Variants in IGF2BP2 observed in about 807,000 individuals in gnomAD.
The protein encoded by IGF2BP2 is insulin like growth factor 2 mRNA binding protein 2.
Under a neutral mutation model 75.8 loss-of-function variants are expected in IGF2BP2, and 17 were observed. The observed-to-expected ratio is 0.22, with a 90% CI of 0.15 to 0.34. The LOEUF is 0.34. IGF2BP2 is among the 10% of genes least tolerant of loss of function. The probability of loss-of-function intolerance (pLI) is 1.00; values close to 1 mark genes in which losing one functional copy is unlikely to be tolerated. For missense variants in IGF2BP2, 516 were observed against 772.4 expected, an observed-to-expected ratio of 0.67 and a Z score of 3.93; for synonymous variants, 288 against 295.6, an observed-to-expected ratio of 0.97 and a Z score of 0.26.
At chr3:185,801,871 A>T (rs1386534646) in intron 2 of IGF2BP2, among the ~76,000 whole-genome samples, 3 of 152,108 alleles carry the variant, frequency 2.0e-5, no homozygotes, top group Non-Finnish European at 2.9e-5. Flanking sequence ...TTGCAGGGAC[A>T]TGGATGAAGC....
intron 2 of IGF2BP2, among the ~76,000 whole-genome samples, chr3:185,725,293 G>A (rs1262045876): frequency 2.6e-5 from 4 of 152,178 alleles, no homozygotes; most frequent in African/African-American, 9.7e-5. Flanking sequence ...GCAACAGATG[G>A]CCATGGAAAG....
intron 8 of IGF2BP2, 95 bp from the exon 9 acceptor site, chr3:185,675,526 A>C: frequency 7.0e-7 from 1 of 1,425,578 alleles, no homozygotes; most frequent in Non-Finnish European, 9.6e-7. Flanking sequence ...TGGCGGAGAG[A>C]GAGAAGACTC....
At position 185,762,532 on chromosome 3, in the gene IGF2BP2, C is replaced by CAA. The variant is rs550663727; in HGVS notation, c.239+60619_239+60620dup. Among the ~76,000 whole-genome samples the CAA allele has an allele frequency of 2.9e-3, 267 of 90,946 alleles. 1 individual carries two copies. The East Asian group carries it at 0.036, about 12-fold the overall frequency. The allele number at this position is 90,946 out of a possible 152,430, so 59.7% of individuals were successfully genotyped here. On this transcript the variant is annotated intron_variant, in intron 2 of 15. Transcript: ENST00000382199. ...TGGGTGACAGAGGGAAGCTCGGTCTCAAAAAAAAAAAAAAAGAAAAGAAAA... is the reference window on the plus strand; with the variant it reads ...TGGGTGACAGAGGGAAGCTCGGTCTCAAAAAAAAAAAAAAAAAGAAAAGAAAA...
chr3:185,789,739 T>G (rs2149850995), intron 2 of IGF2BP2, among the ~76,000 whole-genome samples: 1 of 149,184 alleles, frequency 6.7e-6, no homozygotes, highest in Non-Finnish European at 1.5e-5. Flanking sequence ...TTTTTTTTTT[T>G]TTTTTTTTTT....
chr3:185,668,919 T>TA (rs1718091184), intron 10 of IGF2BP2, among the ~76,000 whole-genome samples: 1 of 152,122 alleles, frequency 6.6e-6, no homozygotes, highest in African/African-American at 2.4e-5. Context: ...TGCTCAAAGT[T>TA]AAAAATAGCA....
chr3:185,652,005 G>C, intron 13 of IGF2BP2, 89 bp downstream of exon 13: 1 of 960,536 alleles, frequency 1.0e-6, no homozygotes, highest in Non-Finnish European at 1.5e-6. Context: ...AATGGAGGCT[G>C]GGCCTCCAAA....
chr3:185,660,729 T>A (rs929740338), intron 10 of IGF2BP2, among the ~76,000 whole-genome samples: 2 of 152,156 alleles, frequency 1.3e-5, no homozygotes, highest in African/African-American at 4.8e-5. Context: ...GAACATCAGC[T>A]CCAGAGCTTT....
intron 2 of IGF2BP2, among the ~76,000 whole-genome samples, chr3:185,808,362 C>T (rs1232783369): frequency 2.0e-5 from 3 of 151,850 alleles, no homozygotes; most frequent in African/African-American, 7.3e-5. Context: ...CACCTGCAAT[C>T]GCAGCTACCA....
chr3:185,821,719 C>T (rs1302004697), intron 2 of IGF2BP2, among the ~76,000 whole-genome samples: 1 of 152,030 alleles, frequency 6.6e-6, no homozygotes, highest in Admixed American at 6.5e-5. Flanking sequence ...TAGAAACATA[C>T]TGTATCAAAT....
chr3:185,672,798 C>T, intron 9 of IGF2BP2, 129 bp from the exon 10 acceptor site: 1 of 1,003,132 alleles, frequency 1.0e-6, no homozygotes, highest in Non-Finnish European at 1.5e-6. Flanking sequence ...GCTCTTCCTA[C>T]CCTGTATCAG....
chr3:185,695,966 T>C (rs1184239313), intron 4 of IGF2BP2, among the ~76,000 whole-genome samples: 3 of 152,188 alleles, frequency 2.0e-5, no homozygotes, highest in Non-Finnish European at 4.4e-5. Flanking sequence ...TTTGTATTTT[T>C]AGTAGAGATG....
At chr3:185,720,669 C>A (rs1274270868) in intron 2 of IGF2BP2, among the ~76,000 whole-genome samples, 2 of 152,134 alleles carry the variant, frequency 1.3e-5, no homozygotes, top group Non-Finnish European at 2.9e-5. Context: ...GCTGCTGAAC[C>A]CACTCCACTC....
At chr3:185,720,626 T>G (rs1253433104) in intron 2 of IGF2BP2, among the ~76,000 whole-genome samples, 1 of 152,216 alleles carries the variant, frequency 6.6e-6, no homozygotes, top group African/African-American at 2.4e-5. Flanking sequence ...TGTTGTGATA[T>G]CTAAGGACAC....
chr3:185,726,551 T>G (rs1727355783), intron 2 of IGF2BP2, among the ~76,000 whole-genome samples: 1 of 152,202 alleles, frequency 6.6e-6, no homozygotes, highest in African/African-American at 2.4e-5. Context: ...TCCTATAAAG[T>G]GCTTTGAGTT....
chr3:185,672,506 C>T (rs367910646), intron 10 of IGF2BP2, 35 bp downstream of exon 10: 12 of 1,602,932 alleles, frequency 7.5e-6, no homozygotes, highest in African/African-American at 1.3e-5. Context: ...AGGTGCCCAG[C>T]GCATAAGCAA....
intron 2 of IGF2BP2, among the ~76,000 whole-genome samples, chr3:185,764,760 C>T (rs376027242): frequency 4.1e-4 from 63 of 152,254 alleles, no homozygotes; most frequent in African/African-American, 1.3e-3. Context: ...AGTAAGAAAT[C>T]GTGTTGCCTC....
intron 7 of IGF2BP2, among the ~76,000 whole-genome samples, chr3:185,676,790 A>T (rs1428268082): frequency 1.4e-5 from 2 of 145,194 alleles, no homozygotes; most frequent in East Asian, 4.0e-4. Context: ...TATTTACTGG[A>T]AATATATATA....
chr3:185,746,690 C>A (rs1311587590), intron 2 of IGF2BP2, among the ~76,000 whole-genome samples: 1 of 152,180 alleles, frequency 6.6e-6, no homozygotes, highest in Non-Finnish European at 1.5e-5. Context: ...CAACAGGAAA[C>A]ATATATCATA....
intron 9 of IGF2BP2, among the ~76,000 whole-genome samples, chr3:185,673,396 T>C (rs1210135923): frequency 2.0e-5 from 3 of 152,256 alleles, no homozygotes; most frequent in Non-Finnish European, 4.4e-5. Context: ...ATCAGATTCT[T>C]CACATGATGT....
Sources: gnomAD v4.1 joint callset for allele counts (sites outside exome capture counted in the v4.1 genomes callset) on GRCh38, gnomAD v4.1.1 for gene constraint, MANE v1.5 for transcripts, NCBI Gene and HGNC (gene_info 2026-07-23, HGNC 2026-07-21) for gene names.